CPAMD8: variants seen among roughly 807,000 people sequenced by gnomAD.
CPAMD8 encodes the protein C3 and PZP-like alpha-2-macroglobulin domain-containing protein 8.
A neutral mutation model predicts 224.7 loss-of-function variants in CPAMD8; 146 were observed. That is an observed-to-expected ratio of 0.65 (90% CI 0.57 to 0.75). The LOEUF (loss-of-function observed/expected upper bound fraction) is 0.75. Ranked by LOEUF, CPAMD8 falls within the 30% of genes least tolerant of loss-of-function variation. The pLI is 0.00. For synonymous variants in CPAMD8, 966 were observed against 1,044.6 expected (o/e 0.92, Z 1.45); for missense variants, 2,301 against 2,537.5 (o/e 0.91, Z 2.00).
rs113977173 is a variant in CPAMD8 at position 16,923,959 on chromosome 19, C to CAA, written c.3547+1235_3547+1236dup. ...TGACAGAGCGAGACCCTAGCTCTTA[C>CAA]AAAAAAAAAAAAGAAAAGAAAGGGA... On this transcript the variant is annotated intron_variant, in intron 26 of 41. Transcript: ENST00000443236. Among the ~76,000 whole-genome samples the CAA allele has an allele frequency of 5.8e-4, 74 of 127,832 alleles. 1 individual carries two copies. The highest frequency in any genetic ancestry group is 2.6e-3 in the Admixed American group (33 of 12,530). 83.9% of individuals were successfully genotyped at this position (127,832 alleles called of 152,430 possible).
At chr19:16,974,534 C>G (rs913959437) in intron 17 of CPAMD8, among the ~76,000 whole-genome samples, 26 of 151,986 alleles carry the variant, frequency 1.7e-4, no homozygotes, top group Admixed American at 9.2e-4. Context: ...CAAAGCACGT[C>G]AATGTCATAA....
rs1191012768 is a variant in CPAMD8 at position 16,945,616 on chromosome 19, T to C, written c.2726A>G (p.Glu909Gly). The C allele has an allele frequency of 6.2e-6, 10 of 1,614,238 alleles. No individual in the cohort carries two copies. The highest frequency in any genetic ancestry group is 8.5e-6 in the Non-Finnish European group (10 of 1,180,032). ...CRDGRSSKHPEENHADRRVPI... is the reference protein window; with the variant it reads ...CRDGRSSKHPGENHADRRVPI... ...GACCCTCCTGTCGGCGTGATTCTCC[T>C]CAGGGTGTTTGCTGGACCTCCCATC... The change falls in exon 22 of 42, where the codon GAG becomes GGG. Residue 909 changes from glutamate (E) to glycine (G), a missense_variant. Glu to Gly is a moderately conservative substitution (Grantham distance 98, BLOSUM62 -2). Coordinates refer to ENST00000443236, the MANE Select transcript of CPAMD8 (RefSeq NM_015692.5).
chr19:16,916,161 G>A (rs1398816833), intron 27 of CPAMD8, among the ~76,000 whole-genome samples: 3 of 152,128 alleles, frequency 2.0e-5, no homozygotes, highest in South Asian at 2.1e-4. Flanking sequence ...CTACAGGGAC[G>A]TGCCACGACA....
In CPAMD8 at chr19:16,892,978, T is replaced by A. The variant is rs773901; in HGVS notation, c.*130A>T. ...TGAGTAAGATCAGTAACGTGTATTC[T>A]TGTCAATATCCTGGAGTGATCATTT... On this transcript the variant is annotated 3_prime_UTR_variant, in exon 42 of 42. Transcript: ENST00000443236. The A allele has an allele frequency of 1.6e-4, 119 of 767,156 alleles. No individual in the cohort carries two copies. The highest frequency in any genetic ancestry group is 2.5e-4 in the Non-Finnish European group (103 of 415,044). 47.5% of individuals were successfully genotyped at this position (767,156 alleles called of 1,614,324 possible).
chr19:17,012,994 C>A (rs2056702827), intron 3 of CPAMD8, among the ~76,000 whole-genome samples: 1 of 151,706 alleles, frequency 6.6e-6, no homozygotes, highest in Non-Finnish European at 1.5e-5. Flanking sequence ...ACCAGCCTGG[C>A]CAACATGGCA....
chr19:16,925,065 G>C (rs1417627602), intron 26 of CPAMD8, 131 bp downstream of exon 26: 1 of 888,240 alleles, frequency 1.1e-6, no homozygotes, highest in African/African-American at 1.7e-5. Context: ...CACCCTGAAT[G>C]GCCTCTTTTG....
In CPAMD8 at chr19:16,906,982, G is replaced by T. The variant is rs757640318; in HGVS notation, c.3997C>A (p.Arg1333Ser). ...ATGATGGCCAGGCTACGGAGCTTGC[G>T]CAGTGCCTCAGGGGCTGCCGGGCTG... is the stretch of plus-strand genomic sequence containing the variant. ...LRSPAAPEAL[R>S]KLRSLAIMRD... The change falls in exon 30 of 42, where the codon CGC becomes AGC. Residue 1333 changes from arginine (R) to serine (S), a missense_variant. By Grantham distance (110) the Arg-to-Ser change is moderately radical (BLOSUM62 -1). This residue lies in a region of CPAMD8 where 1,709 missense variants were observed against 1,753.2 expected (regional missense o/e 0.97). Coordinates refer to ENST00000443236, the MANE Select transcript of CPAMD8 (RefSeq NM_015692.5). The T allele has an allele frequency of 1.3e-6, 2 of 1,597,250 alleles. No individual in the cohort carries two copies. The highest frequency in any genetic ancestry group is 1.7e-6 in the Non-Finnish European group (2 of 1,173,646).
rs200927278 is a variant in CPAMD8, at chr19:16,904,320, G to T, written c.4157C>A (p.Thr1386Asn). Residue 1386 changes from threonine to asparagine, a missense_variant, in exon 32 of 42, where the codon ACC becomes AAC. Coordinates refer to ENST00000443236, the MANE Select transcript of CPAMD8 (RefSeq NM_015692.5). ...AGCCACGTCACCCAGCAGAGTGTAG[G>T]TCAGAAGGGCGTAGGCTGTCATTTC... The part of the protein sequence containing the change: ...EVEMTAYALL[T>N]YTLLGDVAAA... 85 of 1,613,512 alleles carry T rather than the reference G, an allele frequency of 5.3e-5. No individual in the cohort carries two copies. The highest frequency in any genetic ancestry group is 6.4e-5 in the Non-Finnish European group (76 of 1,179,960).
At chr19:16,950,707 T>A (rs1181602215) in intron 20 of CPAMD8, among the ~76,000 whole-genome samples, 1 of 148,868 alleles carries the variant, frequency 6.7e-6, no homozygotes, top group Non-Finnish European at 1.5e-5. Flanking sequence ...GAGGGGGGAT[T>A]GCTTGAGCCC....
In CPAMD8 at chr19:17,026,750, G is replaced by T; in HGVS notation, c.-108C>A. On this transcript the variant is annotated 5_prime_UTR_variant, in exon 1 of 42. Coordinates refer to ENST00000443236, the MANE Select transcript of CPAMD8 (RefSeq NM_015692.5). ...CTCGCGCCGCCGCCGGGGGCCCTTTGTTCGCAGCCCCCGCGCAGTGCGCCC... is the reference window on the plus strand; with the variant it reads ...CTCGCGCCGCCGCCGGGGGCCCTTTTTTCGCAGCCCCCGCGCAGTGCGCCC... The T allele has an allele frequency of 2.5e-6, 3 of 1,201,934 alleles. No individual in the cohort carries two copies. The highest frequency in any genetic ancestry group is 2.1e-6 in the Non-Finnish European group (2 of 969,598). 74.5% of individuals were successfully genotyped at this position (1,201,934 alleles called of 1,614,324 possible).
chr19:16,913,362 A>G (rs368367420), intron 29 of CPAMD8, among the ~76,000 whole-genome samples: 21 of 152,224 alleles, frequency 1.4e-4, no homozygotes, highest in Middle Eastern at 3.4e-3. Flanking sequence ...GGTCACGAGG[A>G]TGGGGCCTCC....
intron 3 of CPAMD8, among the ~76,000 whole-genome samples, chr19:17,012,929 C>T (rs565433175): frequency 1.1e-4 from 16 of 152,314 alleles, no homozygotes; most frequent in Non-Finnish European, 1.8e-4. Flanking sequence ...CACCTGTAAT[C>T]CCAGCACTTT....
intron 21 of CPAMD8, among the ~76,000 whole-genome samples, chr19:16,946,478 T>TGTGA (rs1442713805): frequency 6.8e-6 from 1 of 147,270 alleles, no homozygotes; most frequent in African/African-American, 2.5e-5. Flanking sequence ...GATCTGTGTG[T>TGTGA]ATGCATGTCT....
At chr19:17,002,698 G>T (rs2056367250) in intron 8 of CPAMD8, among the ~76,000 whole-genome samples, 1 of 152,028 alleles carries the variant, frequency 6.6e-6, no homozygotes. Context: ...GGCCCTGGGA[G>T]CCAACAAGGG....
intron 2 of CPAMD8, among the ~76,000 whole-genome samples, 195 bp downstream of exon 2, chr19:17,021,835 C>T (rs1489893760): frequency 6.6e-6 from 1 of 152,244 alleles, no homozygotes; most frequent in East Asian, 1.9e-4. Context: ...GCTGCCCATC[C>T]TGGGCTTTAC....
chr19:16,965,918 C>A (rs914355427), intron 18 of CPAMD8, among the ~76,000 whole-genome samples: 4 of 152,112 alleles, frequency 2.6e-5, no homozygotes, highest in African/African-American at 9.7e-5. Context: ...CCATACTGCC[C>A]AAGGTAATTT....
intron 11 of CPAMD8, among the ~76,000 whole-genome samples, chr19:16,996,706 C>A (rs1385615977): frequency 1.3e-5 from 2 of 151,440 alleles, no homozygotes; most frequent in Non-Finnish European, 2.9e-5. Context: ...GTAATCCCAG[C>A]TACTTGGGAG....
intron 29 of CPAMD8, chr19:16,907,482 C>A (rs1232254009): frequency 6.4e-6 from 1 of 155,548 alleles, no homozygotes; most frequent in Non-Finnish European, 1.4e-5. Flanking sequence ...GTGGCACATG[C>A]CTTTAATCCC....
In CPAMD8 at chr19:16,931,898, G is replaced by C. The variant is rs1052975855; in HGVS notation, c.2846-2658C>G. Among the ~76,000 whole-genome samples, 4 of 152,266 alleles carry C rather than the reference G, an allele frequency of 2.6e-5. No individual in the cohort carries two copies. In the East Asian group the frequency reaches 7.7e-4, roughly 29 times the overall value. The stretch of plus-strand genomic sequence containing the variant: ...CACATTCAGAATCAATCTAAATGCT[G>C]TACCCAACCAACACCACAGATAGAT... On this transcript the variant is annotated intron_variant, in intron 23 of 41. Transcript: ENST00000443236.
Sources: gnomAD v4.1 joint callset for allele counts (sites outside exome capture counted in the v4.1 genomes callset) on GRCh38, gnomAD v4.1.1 for gene constraint, gnomAD v4.1.1 regional missense constraint, MANE v1.5 for transcripts, NCBI Gene and HGNC (gene_info 2026-07-23, HGNC 2026-07-21) for gene names.